Variants in ACOXL observed in about 807,000 individuals in gnomAD.
ACOXL encodes acyl-coenzyme A oxidase-like protein.
ACOXL carries 70 observed loss-of-function variants against 71.9 expected under a neutral mutation model. The observed-to-expected ratio is 0.97, with a 90% CI of 0.80 to 1.19. The LOEUF is 1.19. ACOXL is among the 50% of genes most tolerant of loss of function. ACOXL has a pLI of 0.00. For missense variants in ACOXL, 703 were observed against 736.3 expected, an observed-to-expected ratio of 0.95 and a Z score of 0.52; for synonymous variants, 253 against 281.6, an observed-to-expected ratio of 0.90 and a Z score of 1.02.
chr2:110,801,923 G>A (rs1052880134), intron 8 of ACOXL, among the ~76,000 whole-genome samples, 199 bp downstream of exon 8: 1 of 152,160 alleles, frequency 6.6e-6, no homozygotes, highest in African/African-American at 2.4e-5. Context: ...GCATGCTGTT[G>A]TCCAGGCATA....
At chr2:110,762,595 A>G (rs1680546702) in intron 1 of ACOXL, among the ~76,000 whole-genome samples, 1 of 152,334 alleles carries the variant, frequency 6.6e-6, no homozygotes, top group South Asian at 2.1e-4. Flanking sequence ...TGAGTGAAGT[A>G]TAGAAACCTA....
At chr2:110,884,848 A>G (rs764616479) in intron 10 of ACOXL, among the ~76,000 whole-genome samples, 1 of 152,054 alleles carries the variant, frequency 6.6e-6, no homozygotes, top group Non-Finnish European at 1.5e-5. Context: ...GTTCAGCCCA[A>G]TGCATTTGGC....
chr2:110,882,656 A>C (rs1395699533), intron 10 of ACOXL, among the ~76,000 whole-genome samples: 2 of 152,088 alleles, frequency 1.3e-5, no homozygotes, highest in Non-Finnish European at 2.9e-5. Flanking sequence ...TTTTGCATAT[A>C]GTGTAAGGTA....
At chr2:111,055,129 T>C (rs921652456) in intron 16 of ACOXL, among the ~76,000 whole-genome samples, 1 of 152,188 alleles carries the variant, frequency 6.6e-6, no homozygotes, top group Non-Finnish European at 1.5e-5. Flanking sequence ...AGCCATTCAG[T>C]ATCCAGCATG....
intron 13 of ACOXL, among the ~76,000 whole-genome samples, chr2:110,993,305 T>C (rs2063256076): frequency 6.6e-6 from 1 of 152,220 alleles, no homozygotes; most frequent in Admixed American, 6.5e-5. Flanking sequence ...ACAATCTCAC[T>C]ACGCAGATAC....
intron 4 of ACOXL, 87 bp from the exon 5 acceptor site, chr2:110,793,989 C>T: frequency 7.4e-7 from 1 of 1,352,300 alleles, no homozygotes; most frequent in Admixed American, 1.8e-5. Flanking sequence ...GTCCCTCTCT[C>T]ACCACCATTC....
intron 15 of ACOXL, among the ~76,000 whole-genome samples, chr2:111,046,039 G>C (rs186980013): frequency 6.6e-6 from 1 of 152,186 alleles, no homozygotes; most frequent in Non-Finnish European, 1.5e-5. Context: ...AGGGCAGCCC[G>C]GACATCTAAA....
chr2:110,757,543 C>T (rs981810259), intron 1 of ACOXL, among the ~76,000 whole-genome samples: 1 of 152,046 alleles, frequency 6.6e-6, no homozygotes, highest in Non-Finnish European at 1.5e-5. Context: ...CCTCGTTCTC[C>T]GCAACCTCGC....
intron 10 of ACOXL, among the ~76,000 whole-genome samples, chr2:110,868,527 T>G (rs1694888072): frequency 6.6e-6 from 1 of 152,220 alleles, no homozygotes; most frequent in Non-Finnish European, 1.5e-5. Context: ...CTGGTCTTTG[T>G]TTTCCATTCT....
intron 10 of ACOXL, among the ~76,000 whole-genome samples, chr2:110,872,010 A>T (rs900107860): frequency 1.3e-5 from 2 of 152,234 alleles, no homozygotes; most frequent in African/African-American, 4.8e-5. Flanking sequence ...CACAAAATAT[A>T]TGCCAGAAAC....
At chr2:110,846,649 A>G (rs1264406926) in intron 10 of ACOXL, among the ~76,000 whole-genome samples, 8 of 149,578 alleles carry the variant, frequency 5.3e-5, no homozygotes, top group African/African-American at 1.8e-4. Context: ...ACGCACACAC[A>G]CACACACACA....
chr2:110,944,789 T>C (rs1169570828), intron 12 of ACOXL, among the ~76,000 whole-genome samples: 1 of 152,230 alleles, frequency 6.6e-6, no homozygotes, highest in Non-Finnish European at 1.5e-5. Context: ...CTATTGTAAA[T>C]AGTGCTGCCA....
chr2:110,881,366 C>T (rs1696622641), intron 10 of ACOXL, among the ~76,000 whole-genome samples: 1 of 152,004 alleles, frequency 6.6e-6, no homozygotes, highest in Admixed American at 6.6e-5. Context: ...GGATAAATCT[C>T]TGGTAACTTA....
At position 111,061,645 on chromosome 2, in the gene ACOXL, G is replaced by A. The variant is rs185018971; in HGVS notation, c.1440+12357G>A. On this transcript the variant is annotated intron_variant, in intron 16 of 17. Transcript: ENST00000439055. Reference sequence around the variant, plus strand: ...TTCTCAATTATGTTTGATAATTGAAGTGAAAATTATAACACTGATGTGATT... The same window carrying A: ...TTCTCAATTATGTTTGATAATTGAAATGAAAATTATAACACTGATGTGATT... 1.3e-3 allele frequency among the ~76,000 whole-genome samples: 191 copies of A among 152,248 alleles called. 1 individual carries two copies. The highest frequency in any genetic ancestry group is 4.6e-3 in the African/African-American group (190 of 41,564).
intron 13 of ACOXL, among the ~76,000 whole-genome samples, chr2:110,988,595 A>C (rs370081363): frequency 9.9e-5 from 15 of 152,148 alleles, no homozygotes; most frequent in African/African-American, 3.4e-4. Flanking sequence ...GATAGTGACA[A>C]ATTATTTTTC....
At chr2:110,859,394 A>T (rs1259556898) in intron 10 of ACOXL, among the ~76,000 whole-genome samples, 1 of 152,194 alleles carries the variant, frequency 6.6e-6, no homozygotes, top group African/African-American at 2.4e-5. Context: ...ATTTTATTTG[A>T]CATGCACAGC....
chr2:111,087,799 G>A (rs976261097), intron 16 of ACOXL, among the ~76,000 whole-genome samples: 1 of 152,282 alleles, frequency 6.6e-6, no homozygotes, highest in East Asian at 1.9e-4. Flanking sequence ...TAACAAATGG[G>A]ATCTAATTAA....
At chr2:110,948,999 G>A (rs1023028790) in intron 12 of ACOXL, among the ~76,000 whole-genome samples, 1 of 151,612 alleles carries the variant, frequency 6.6e-6, no homozygotes, top group African/African-American at 2.4e-5. Context: ...GCTTGACTTA[G>A]ATCTGATGTG....
At chr2:111,053,196 T>C (rs2066379682) in intron 16 of ACOXL, among the ~76,000 whole-genome samples, 2 of 152,174 alleles carry the variant, frequency 1.3e-5, no homozygotes, top group South Asian at 2.1e-4. Context: ...CAATTCTAAA[T>C]ATGCTTGAGA....
Sources: gnomAD v4.1 joint callset for allele counts (sites outside exome capture counted in the v4.1 genomes callset) on GRCh38, gnomAD v4.1.1 for gene constraint, MANE v1.5 for transcripts, NCBI Gene and HGNC (gene_info 2026-07-23, HGNC 2026-07-21) for gene names.